WWP2: variants seen among roughly 807,000 people sequenced by gnomAD.
WWP2 encodes NEDD4-like E3 ubiquitin-protein ligase WWP2.
WWP2 carries 57 observed loss-of-function variants against 121.0 expected under a neutral mutation model. The observed-to-expected ratio is 0.47, with a 90% CI of 0.38 to 0.59. The LOEUF (loss-of-function observed/expected upper bound fraction) is 0.59. WWP2 is among the 20% of genes least tolerant of loss of function. WWP2 has a pLI of 0.00. For synonymous variants in WWP2, 449 were observed against 441.3 expected (o/e 1.02, Z -0.22); for missense variants, 962 against 1,158.9 (o/e 0.83, Z 2.47).
chr16:69,933,864 G>T, intron 16 of WWP2, 106 bp from the exon 17 acceptor site: 1 of 1,338,624 alleles, frequency 7.5e-7, no homozygotes. Context: ...CCTGGGACAC[G>T]TGTCCCCATA....
intron 11 of WWP2, among the ~76,000 whole-genome samples, chr16:69,926,697 C>T (rs1400208775): frequency 3.9e-5 from 6 of 152,166 alleles, no homozygotes; most frequent in Admixed American, 2.0e-4. Context: ...TGTTGATGTT[C>T]AGCTTGGGGA....
chr16:69,778,187 TATATA>T (rs1457962353), intron 1 of WWP2, among the ~76,000 whole-genome samples: 2 of 90,166 alleles, frequency 2.2e-5, no homozygotes, highest in South Asian at 3.7e-4. Context: ...TATATATATA[TATATA>T]TTTTTTTTTT....
chr16:69,871,360 T>C (rs1284825260), intron 6 of WWP2, among the ~76,000 whole-genome samples: 1 of 152,248 alleles, frequency 6.6e-6, no homozygotes, highest in Non-Finnish European at 1.5e-5. Context: ...TTGACTTTTA[T>C]TGCCAAGGGA....
rs528864044 is a variant in WWP2, at chr16:69,885,574, C to T, written c.704-2465C>T. Among the ~76,000 whole-genome samples, 10 of 152,190 alleles carry T rather than the reference C, an allele frequency of 6.6e-5. No homozygotes were observed. The South Asian group carries it at 1.7e-3, about 25-fold the overall frequency. ...AGCTGACCACCAGTTCCATGTGTGCCAATTTTTACATGGTTGCTAAGAGTT... is the reference window on the plus strand; with the variant it reads ...AGCTGACCACCAGTTCCATGTGTGCTAATTTTTACATGGTTGCTAAGAGTT... On this transcript the variant is annotated intron_variant, in intron 7 of 23. Transcript: ENST00000359154.
At chr16:69,896,688 C>A (rs1009068366) in intron 8 of WWP2, among the ~76,000 whole-genome samples, 2 of 151,590 alleles carry the variant, frequency 1.3e-5, no homozygotes, top group Non-Finnish European at 2.9e-5. Context: ...AACACCCCCC[C>A]AGAGCTGACC....
At chr16:69,834,872 T>C (rs1173898204) in intron 4 of WWP2, among the ~76,000 whole-genome samples, 2 of 152,090 alleles carry the variant, frequency 1.3e-5, no homozygotes, top group South Asian at 2.1e-4. Flanking sequence ...TCTTTTTTTT[T>C]TAAGGAAAAA....
chr16:69,877,835 T>C (rs1350621599), intron 7 of WWP2, among the ~76,000 whole-genome samples: 1 of 152,002 alleles, frequency 6.6e-6, no homozygotes, highest in African/African-American at 2.4e-5. Context: ...TGAGATGGAG[T>C]CTCATGCTGT....
At chr16:69,768,902 G>A (rs2055355718) in intron 1 of WWP2, among the ~76,000 whole-genome samples, 1 of 152,194 alleles carries the variant, frequency 6.6e-6, no homozygotes, top group African/African-American at 2.4e-5. Flanking sequence ...GAGAATGGAA[G>A]GTAGTAACTC....
Position 69,799,146 on chromosome 16 carries a change from T to A in WWP2, c.219-28T>A, listed in dbSNP as rs2056110240. On this transcript the variant is annotated intron_variant, in intron 3 of 23. Coordinates refer to ENST00000359154, the MANE Select transcript of WWP2 (RefSeq NM_001270454.2). This position sits in a 1 kb window ranked among gnomAD's most constrained non-coding sequence, Gnocchi z 4.5. Reference sequence around the variant, plus strand: ...AAGTTATAGGAATGATCTGCTTGGATGTAATGAATCAGGTATTTGTTTTTC... The same window carrying A: ...AAGTTATAGGAATGATCTGCTTGGAAGTAATGAATCAGGTATTTGTTTTTC... The A allele has an allele frequency of 6.2e-7, 1 of 1,602,692 alleles. No homozygotes were observed. The highest frequency in any genetic ancestry group is 1.1e-5 in the South Asian group (1 of 89,318).
chr16:69,795,316 T>C (rs1567669708), intron 2 of WWP2, among the ~76,000 whole-genome samples: 1 of 151,968 alleles, frequency 6.6e-6, no homozygotes, highest in Non-Finnish European at 1.5e-5. Flanking sequence ...ATAGATGGCA[T>C]TTATCTATAA....
intron 1 of WWP2, among the ~76,000 whole-genome samples, chr16:69,779,310 C>CA (rs566918653): frequency 6.6e-6 from 1 of 152,190 alleles, no homozygotes; most frequent in Non-Finnish European, 1.5e-5. Flanking sequence ...CAAATGCCTA[C>CA]ATTATATAAT....
At chr16:69,909,273 A>C in intron 9 of WWP2, 3 of 991,036 alleles carry the variant, frequency 3.0e-6, no homozygotes, top group Non-Finnish European at 3.6e-6. Context: ...CCAGGGACAG[A>C]AAGTTCTTTC....
At chr16:69,769,202 C>T (rs544867248) in intron 1 of WWP2, among the ~76,000 whole-genome samples, 15 of 151,716 alleles carry the variant, frequency 9.9e-5, no homozygotes, top group East Asian at 5.8e-4. Context: ...CTGTAATCCC[C>T]GCTACTCGGA....
intron 9 of WWP2, chr16:69,909,337 A>G: frequency 2.0e-6 from 2 of 986,342 alleles, no homozygotes; most frequent in Non-Finnish European, 2.4e-6. Context: ...TTCTGCTCCA[A>G]GAAAGAATCA....
chr16:69,847,400 C>CT (rs1273564058), intron 6 of WWP2, among the ~76,000 whole-genome samples: 3 of 148,024 alleles, frequency 2.0e-5, no homozygotes, highest in African/African-American at 7.5e-5. Flanking sequence ...ATTTATTTTT[C>CT]TTATTTTTTT....
At chr16:69,862,256 G>T (rs943110590) in intron 6 of WWP2, among the ~76,000 whole-genome samples, 1 of 152,028 alleles carries the variant, frequency 6.6e-6, no homozygotes, top group Non-Finnish European at 1.5e-5. Context: ...GTAGACACGG[G>T]ATTTCTCCAT....
intron 6 of WWP2, among the ~76,000 whole-genome samples, chr16:69,858,077 G>A (rs1011064234): frequency 6.6e-6 from 1 of 151,784 alleles, no homozygotes; most frequent in African/African-American, 2.4e-5. Context: ...GGCCCGGTTG[G>A]TTTTGTTCCT....
At chr16:69,763,389 T>C (rs1438803791) in intron 1 of WWP2, among the ~76,000 whole-genome samples, 1 of 152,238 alleles carries the variant, frequency 6.6e-6, no homozygotes, top group Admixed American at 6.5e-5. Flanking sequence ...CCTGTTCATC[T>C]TCCTGTTTCT....
At chr16:69,912,955 AATATATATATATATATAT>A (rs1567427338) in intron 9 of WWP2, among the ~76,000 whole-genome samples, 2 of 8,360 alleles carry the variant, frequency 2.4e-4, no homozygotes, top group Non-Finnish European at 4.2e-4. Flanking sequence ...AAAAAAAAAA[AATATATATATATATATAT>A]ATATATATAT....
Sources: gnomAD v4.1 joint callset for allele counts (sites outside exome capture counted in the v4.1 genomes callset) on GRCh38, gnomAD v4.1.1 for gene constraint, Gnocchi (gnomAD v3.1) non-coding constraint, MANE v1.5 for transcripts, NCBI Gene and HGNC (gene_info 2026-07-23, HGNC 2026-07-21) for gene names.